Variants in SLC25A51 observed in about 807,000 individuals in gnomAD.
The protein encoded by SLC25A51 is mitochondrial nicotinamide adenine dinucleotide transporter SLC25A51.
Under a neutral mutation model 19.1 loss-of-function variants are expected in SLC25A51, and 11 were observed. That is an observed-to-expected ratio of 0.58 (90% confidence interval 0.36 to 0.96). The LOEUF is 0.96. Among genes scored for constraint, SLC25A51 ranks in the 40% least tolerant of loss-of-function variants. The pLI is 0.01. For missense variants in SLC25A51, 201 were observed against 365.4 expected (o/e 0.55, Z 3.67); for synonymous variants, 105 against 133.6 (o/e 0.79, Z 1.47).
At chr9:37,902,791 A>G (rs1398922169) in intron 1 of SLC25A51, among the ~76,000 whole-genome samples, 1 of 152,276 alleles carries the variant, frequency 6.6e-6, no homozygotes, top group East Asian at 1.9e-4. Context: ...CTAAGAAAAC[A>G]GTGTAAAGTC....
chr9:37,902,733 G>A (rs1317204129), intron 1 of SLC25A51, among the ~76,000 whole-genome samples: 2 of 152,232 alleles, frequency 1.3e-5, no homozygotes, highest in South Asian at 2.1e-4. Context: ...TAAGGGAGCA[G>A]TTAATGAACT....
intron 2 of SLC25A51, among the ~76,000 whole-genome samples, chr9:37,882,481 T>C (rs1173411084): frequency 1.3e-5 from 2 of 152,238 alleles, no homozygotes; most frequent in Non-Finnish European, 2.9e-5. Flanking sequence ...GGTAATTATA[T>C]ACACAAACGC....
At chr9:37,903,988 G>T (rs1293915607) in intron 1 of SLC25A51, 80 bp downstream of exon 1, 1 of 152,474 alleles carries the variant, frequency 6.6e-6, no homozygotes, top group Non-Finnish European at 1.5e-5. Context: ...CTGCCCCAGC[G>T]GGCCCTTCAG....
chr9:37,898,539 G>C (rs1831772193), intron 2 of SLC25A51, among the ~76,000 whole-genome samples: 1 of 150,784 alleles, frequency 6.6e-6, no homozygotes, highest in Non-Finnish European at 1.5e-5. Context: ...TGGGCAACAA[G>C]AGTGAAACTC....
At chr9:37,901,116 C>T (rs926596871) in intron 1 of SLC25A51, among the ~76,000 whole-genome samples, 2 of 152,192 alleles carry the variant, frequency 1.3e-5, no homozygotes, top group African/African-American at 2.4e-5. Flanking sequence ...ATCTGCCAGC[C>T]TTGGCCTCCC....
chr9:37,891,385 T>G (rs967739521), intron 2 of SLC25A51, among the ~76,000 whole-genome samples: 3 of 152,192 alleles, frequency 2.0e-5, no homozygotes, highest in African/African-American at 4.8e-5. Flanking sequence ...GAACGGGCCA[T>G]GATGACGATG....
downstream of SLC25A51, among the ~76,000 whole-genome samples, chr9:37,885,358 A>AC (rs1554693027): frequency 9.4e-4 from 143 of 151,696 alleles, no homozygotes; most frequent in Middle Eastern, 3.4e-3. Context: ...AAAAAAAAAA[A>AC]AAAAAAAAAA....
At chr9:37,901,826 T>G (rs1831854900) in intron 1 of SLC25A51, among the ~76,000 whole-genome samples, 1 of 152,208 alleles carries the variant, frequency 6.6e-6, no homozygotes, top group African/African-American at 2.4e-5. Flanking sequence ...TTAGTTCTAC[T>G]ACATCCTTAC....
chr9:37,879,023 G>C (rs1831303780), downstream of SLC25A51: 1 of 273,366 alleles, frequency 3.7e-6, no homozygotes, highest in Non-Finnish European at 7.5e-6. Flanking sequence ...AAATCAGAAA[G>C]TCAGTGCAGT....
exon 4 of SLC25A51, chr9:37,879,943 G>A (rs1024381681): frequency 1.3e-5 from 2 of 152,348 alleles, no homozygotes; most frequent in Non-Finnish European, 2.9e-5. Flanking sequence ...GGCAAGGGCT[G>A]GATCATCCTG....
chr9:37,888,582 CTTTT>C lies in SLC25A51; in HGVS notation c.-36_-33del, dbSNP rs1401238911. The C allele has an allele frequency of 3.8e-6, 6 of 1,558,514 alleles. No individual in the cohort carries two copies. The South Asian group carries it at 7.4e-5, about 19-fold the overall frequency. ...TAAGATCTTTCTTTTTCATGAAGGA[CTTTT>C]TTTAACCTACAAATAATAAATGACA... On this transcript the variant is annotated 5_prime_UTR_variant, in exon 3 of 3. An upstream open reading frame in the 5' UTR loses its in-frame stop. Transcript: ENST00000242275.
At chr9:37,883,913 T>C (rs1340976299), downstream of SLC25A51, among the ~76,000 whole-genome samples, 1 of 152,246 alleles carries the variant, frequency 6.6e-6, no homozygotes, top group East Asian at 1.9e-4. Flanking sequence ...TAATGCTTAA[T>C]ACGCTTCATC....
chr9:37,890,574 G>A (rs535077292), intron 2 of SLC25A51, among the ~76,000 whole-genome samples: 53 of 151,884 alleles, frequency 3.5e-4, no homozygotes, highest in Non-Finnish European at 6.2e-4. Context: ...GCATGATGGC[G>A]TACACCAGCT....
chr9:37,892,575 T>C (rs1214266443), intron 2 of SLC25A51, among the ~76,000 whole-genome samples: 3 of 151,772 alleles, frequency 2.0e-5, no homozygotes, highest in Non-Finnish European at 4.4e-5. Flanking sequence ...ATATATTTTT[T>C]TCTTTTTCTT....
intron 2 of SLC25A51, among the ~76,000 whole-genome samples, chr9:37,896,939 AG>A (rs1279036203): frequency 6.6e-6 from 1 of 152,184 alleles, no homozygotes; most frequent in Non-Finnish European, 1.5e-5. Flanking sequence ...ATTAGACTAT[AG>A]GGAGATAAGT....
intron 2 of SLC25A51, among the ~76,000 whole-genome samples, chr9:37,894,318 T>C (rs1323868114): frequency 2.7e-5 from 4 of 150,810 alleles, no homozygotes; most frequent in East Asian, 1.9e-4. Context: ...CCCACTCACC[T>C]TTTTTTTTAA....
intron 2 of SLC25A51, among the ~76,000 whole-genome samples, chr9:37,897,686 A>G (rs964401404): frequency 6.6e-6 from 1 of 151,410 alleles, no homozygotes; most frequent in African/African-American, 2.4e-5. Context: ...ATATAATTAT[A>G]GTTCTTATAT....
chr9:37,883,370 T>TA (rs1309260799), downstream of SLC25A51, among the ~76,000 whole-genome samples: 2 of 151,444 alleles, frequency 1.3e-5, no homozygotes. Flanking sequence ...GACAAAGAAA[T>TA]AAAAAAAAAT....
At chr9:37,883,492 C>T (rs936537730), downstream of SLC25A51, among the ~76,000 whole-genome samples, 21 of 152,216 alleles carry the variant, frequency 1.4e-4, no homozygotes, top group Non-Finnish European at 5.9e-5. Context: ...GCTTGTATTT[C>T]ACAAAAGTGC....
Sources: gnomAD v4.1 joint callset for allele counts (sites outside exome capture counted in the v4.1 genomes callset) on GRCh38, gnomAD v4.1.1 for gene constraint, MANE v1.5 for transcripts, NCBI Gene and HGNC (gene_info 2026-07-23, HGNC 2026-07-21) for gene names.